Variants in BCAS3 observed in about 807,000 individuals in gnomAD.
BCAS3 encodes BCAS3 microtubule associated cell migration factor, also known as BCAS4/BCAS3 fusion.
In BCAS3, 53 loss-of-function variants were observed where a neutral mutation model predicts 116.1. That is an observed-to-expected ratio of 0.46 (90% CI 0.37 to 0.57). BCAS3 has a LOEUF of 0.57. Ranked by LOEUF, BCAS3 falls within the 20% of genes least tolerant of loss-of-function variation. The probability of loss-of-function intolerance (pLI) is 0.00; values close to 1 mark genes in which losing one functional copy is unlikely to be tolerated. For missense variants in BCAS3, 917 were observed against 1,165.4 expected, an observed-to-expected ratio of 0.79 and a Z score of 3.10; for synonymous variants, 391 against 408.2, an observed-to-expected ratio of 0.96 and a Z score of 0.51.
At chr17:61,120,195 AAG>A (rs2075714177) in intron 22 of BCAS3, among the ~76,000 whole-genome samples, 1 of 152,106 alleles carries the variant, frequency 6.6e-6, no homozygotes, top group African/African-American at 2.4e-5. Context: ...ACTTGACAAT[AAG>A]TAGGAATTTC....
Position 60,950,193 on chromosome 17 carries a change from T to G in BCAS3, c.1221+2841T>G, listed in dbSNP as rs2060756737. ...GGAATTTAAAGTCCTTATTTTTTAG[T>G]GATGCAAAAGTATTTACAGATGTCT... On this transcript the variant is annotated intron_variant, in intron 14 of 23. Transcript: ENST00000407086. Among the ~76,000 whole-genome samples, 3 of 152,228 alleles carry G rather than the reference T, an allele frequency of 2.0e-5. No homozygotes were observed. The South Asian group carries it at 6.2e-4, about 32-fold the overall frequency.
rs1230272915 is a variant in BCAS3, at chr17:61,261,399, A to T, written c.2426-106928A>T. On this transcript the variant is annotated intron_variant, in intron 22 of 23. Coordinates refer to ENST00000407086, the MANE Select transcript of BCAS3 (RefSeq NM_017679.5). The surrounding 1 kb of genome is among the most constrained non-coding windows in gnomAD (Gnocchi z 4.4). ...ACCCTTTATAAGTCAGCCTTGCTTG[A>T]TTACTCCTTTTAATTCAAGGCTCAA... Among the ~76,000 whole-genome samples the T allele has an allele frequency of 4.6e-5, 7 of 152,204 alleles. No individual in the cohort carries two copies. The highest frequency in any genetic ancestry group is 1.7e-4 in the African/African-American group (7 of 41,522).
chr17:61,017,677 G>C lies in BCAS3; in HGVS notation c.1637+1776G>C, dbSNP rs1213762010. 6.6e-6 allele frequency among the ~76,000 whole-genome samples: 1 copy of C among 152,130 alleles called. No homozygotes were observed. Among genetic ancestry groups the C allele is most frequent in the Non-Finnish European group, 1.5e-5 (1 of 68,006 alleles). ...TCTCTGAAATAGTAACTGAAGTTTA[G>C]TGCATAAAATGATATGATGTTAGAA... is the stretch of plus-strand genomic sequence containing the variant. On this transcript the variant is annotated intron_variant, in intron 16 of 23. Transcript: ENST00000407086. The surrounding 1 kb of genome is among the most constrained non-coding windows in gnomAD (Gnocchi z 4.7).
intron 12 of BCAS3, among the ~76,000 whole-genome samples, chr17:60,916,855 T>A (rs908297916): frequency 6.6e-6 from 1 of 152,128 alleles, no homozygotes; most frequent in African/African-American, 2.4e-5. Flanking sequence ...AACTCAAAAA[T>A]AAAAAGACTA....
chr17:60,929,035 G>A (rs933101404), intron 13 of BCAS3, among the ~76,000 whole-genome samples: 1 of 152,110 alleles, frequency 6.6e-6, no homozygotes, highest in African/African-American at 2.4e-5. Context: ...AAATGTTTTT[G>A]TGAGATAAAA....
rs756127220 is a variant in BCAS3 at position 61,078,401 on chromosome 17, C to T, written c.2199C>T (p.Thr733=). The T allele has an allele frequency of 1.2e-6, 2 of 1,614,010 alleles. No individual in the cohort carries two copies. Among genetic ancestry groups the T allele is most frequent in the Non-Finnish European group, 1.7e-6 (2 of 1,180,010 alleles). ...LWMGPQFQFK[T]IHPSGQTTVI... is the part of the protein sequence containing the mutation. ...TGGGTCCACAGTTCCAGTTCAAAAC[C>T]ATCCATCCCTCAGGCCAAACCACAG... Residue 733 remains threonine, a synonymous_variant, in exon 21 of 24, where the codon ACC becomes ACT. Coordinates refer to ENST00000407086, the MANE Select transcript of BCAS3 (RefSeq NM_017679.5).
intron 7 of BCAS3, among the ~76,000 whole-genome samples, chr17:60,845,097 G>A (rs2052388164): frequency 1.3e-5 from 2 of 152,316 alleles, no homozygotes; most frequent in South Asian, 4.1e-4. Flanking sequence ...GGGCCCGGTG[G>A]CGCATGCCTG....
At chr17:61,123,043 G>A (rs1170606609) in intron 22 of BCAS3, among the ~76,000 whole-genome samples, 1 of 151,458 alleles carries the variant, frequency 6.6e-6, no homozygotes, top group Admixed American at 6.6e-5. Flanking sequence ...CCTGGTTTAA[G>A]TGATTCTCCT....
intron 13 of BCAS3, among the ~76,000 whole-genome samples, chr17:60,924,880 A>T (rs2059290662): frequency 1.3e-5 from 2 of 151,436 alleles, no homozygotes; most frequent in African/African-American, 4.8e-5. Flanking sequence ...AACACTTTGT[A>T]AGCTAATTTA....
chr17:60,758,667 C>T (rs1481358780), intron 6 of BCAS3, among the ~76,000 whole-genome samples: 1 of 152,104 alleles, frequency 6.6e-6, no homozygotes, highest in Non-Finnish European at 1.5e-5. Context: ...CAGGCATGAG[C>T]CACCGCACCC....
intron 14 of BCAS3, among the ~76,000 whole-genome samples, chr17:60,972,021 C>G (rs1419300227): frequency 6.6e-6 from 1 of 152,136 alleles, no homozygotes; most frequent in Non-Finnish European, 1.5e-5. Context: ...AAGTCTTTAC[C>G]TAAACATTTT....
At chr17:60,914,964 G>A (rs2058704204) in intron 12 of BCAS3, among the ~76,000 whole-genome samples, 1 of 152,090 alleles carries the variant, frequency 6.6e-6, no homozygotes, top group Non-Finnish European at 1.5e-5. Context: ...GTAAACATGA[G>A]TTGTTCAGAG....
intron 19 of BCAS3, among the ~76,000 whole-genome samples, chr17:61,067,219 GTTA>G (rs971261206): frequency 1.5e-5 from 2 of 137,008 alleles, no homozygotes; most frequent in Non-Finnish European, 3.1e-5. Flanking sequence ...ACCTAAGGAT[GTTA>G]TTAAGGGGAC....
rs777280532 is a variant in BCAS3, at chr17:61,037,853, A to G, written c.1763-36A>G. The G allele has an allele frequency of 1.3e-6, 2 of 1,592,324 alleles. No individual in the cohort carries two copies. The highest frequency in any genetic ancestry group is 1.8e-4 in the Middle Eastern group (1 of 5,508). On this transcript the variant is annotated intron_variant, in intron 17 of 23. Transcript: ENST00000407086. This position sits in a 1 kb window ranked among gnomAD's most constrained non-coding sequence, Gnocchi z 4.7. ...AATTATTCTGTGCTCCATTTATGCC[A>G]TCATAACACATCGGGTTCTGTTTCT...
chr17:61,192,411 G>A (rs2080202392), intron 22 of BCAS3, among the ~76,000 whole-genome samples: 1 of 152,000 alleles, frequency 6.6e-6, no homozygotes, highest in South Asian at 2.1e-4. Context: ...GTTGAGCAGA[G>A]TAAATAAAAA....
chr17:61,165,321 A>G lies in BCAS3; in HGVS notation c.2425+80757A>G, dbSNP rs554255656. Among the ~76,000 whole-genome samples, 3 of 152,326 alleles carry G rather than the reference A, an allele frequency of 2.0e-5. No individual in the cohort carries two copies. In the South Asian group the frequency reaches 6.2e-4, roughly 32 times the overall value. ...TTAACCTTAGTGCCCACCAATGTATATCCTGGCCACATATATTTTCAGTAG... is the reference window on the plus strand; with the variant it reads ...TTAACCTTAGTGCCCACCAATGTATGTCCTGGCCACATATATTTTCAGTAG... On this transcript the variant is annotated intron_variant, in intron 22 of 23. Coordinates refer to ENST00000407086, the MANE Select transcript of BCAS3 (RefSeq NM_017679.5).
chr17:61,268,008 G>C (rs1266301933), intron 22 of BCAS3, among the ~76,000 whole-genome samples: 1 of 151,852 alleles, frequency 6.6e-6, no homozygotes, highest in East Asian at 1.9e-4. Flanking sequence ...CCTACATTTG[G>C]TGCCTAGAGA....
In BCAS3 at chr17:60,855,107, G is replaced by A. The variant is rs1291530864; in HGVS notation, c.477-13469G>A. 5.3e-5 allele frequency among the ~76,000 whole-genome samples: 8 copies of A among 151,280 alleles called. No homozygotes were observed. The East Asian group carries it at 7.8e-4, about 15-fold the overall frequency. ...TGGGATTACAGATGCATGCCACCAC[G>A]CCTGGCTAATTTTTGTATTTTTAGT... On this transcript the variant is annotated intron_variant, in intron 7 of 23. Coordinates refer to ENST00000407086, the MANE Select transcript of BCAS3 (RefSeq NM_017679.5).
chr17:60,823,653 G>A (rs894674508), intron 7 of BCAS3, among the ~76,000 whole-genome samples: 2 of 152,132 alleles, frequency 1.3e-5, no homozygotes, highest in Non-Finnish European at 2.9e-5. Context: ...TTTAGAGTTA[G>A]GTCAGTCACT....
Sources: allele counts gnomAD v4.1 joint callset (sites outside exome capture counted in the v4.1 genomes callset), GRCh38; gene constraint gnomAD v4.1.1; non-coding constraint Gnocchi (gnomAD v3.1); transcripts MANE v1.5; gene names NCBI Gene and HGNC (gene_info 2026-07-23, HGNC 2026-07-21).